Variants in EPM2A observed in about 807,000 individuals in gnomAD.
EPM2A encodes laforin.
In EPM2A, 21 loss-of-function variants were observed where a neutral mutation model predicts 26.5. The ratio of observed to expected loss-of-function variants is 0.79; its 90% confidence interval spans 0.56 to 1.14. The LOEUF is 1.14. Among genes scored for constraint, EPM2A ranks in the 50% most tolerant of loss-of-function variants. EPM2A has a pLI of 0.00. For synonymous variants in EPM2A, 217 were observed against 177.6 expected, an observed-to-expected ratio of 1.22 and a Z score of -1.76; for missense variants, 458 against 440.8, an observed-to-expected ratio of 1.04 and a Z score of -0.35.
chr6:145,424,588 G>A (rs1402898081), intron 4 of EPM2A, among the ~76,000 whole-genome samples: 2 of 152,056 alleles, frequency 1.3e-5, no homozygotes, highest in African/African-American at 4.8e-5. Flanking sequence ...AGATTGCTAT[G>A]GTCTCAATGT....
At chr6:145,385,491 T>C (rs1486709025) in intron 4 of EPM2A, among the ~76,000 whole-genome samples, 1 of 152,186 alleles carries the variant, frequency 6.6e-6, no homozygotes, top group Non-Finnish European at 1.5e-5. Flanking sequence ...AGTTTTTGTT[T>C]CATAGATTCA....
intron 4 of EPM2A, among the ~76,000 whole-genome samples, chr6:145,390,603 C>T (rs564052032): frequency 1.2e-3 from 167 of 143,278 alleles, no homozygotes; most frequent in Non-Finnish European, 1.9e-3. Context: ...CTCTCGCTCC[C>T]GCTCATACTT....
At chr6:145,456,611 C>T (rs1353605048) in intron 4 of EPM2A, among the ~76,000 whole-genome samples, 1 of 151,966 alleles carries the variant, frequency 6.6e-6, no homozygotes, top group South Asian at 2.1e-4. Context: ...TGAATATGGA[C>T]AATTTCTACA....
intron 2 of EPM2A, among the ~76,000 whole-genome samples, chr6:145,563,048 G>T (rs1465717258): frequency 6.6e-6 from 1 of 151,812 alleles, no homozygotes; most frequent in Non-Finnish European, 1.5e-5. Flanking sequence ...TTTCAGTGGA[G>T]AGCAAGGCAG....
intron 4 of EPM2A, among the ~76,000 whole-genome samples, chr6:145,489,235 T>C (rs770943410): frequency 5.3e-5 from 8 of 152,166 alleles, no homozygotes; most frequent in Non-Finnish European, 1.2e-4. Context: ...TTTTCTAACA[T>C]GTATTAGAAT....
At chr6:145,472,316 G>A (rs778504004) in intron 4 of EPM2A, among the ~76,000 whole-genome samples, 3 of 151,838 alleles carry the variant, frequency 2.0e-5, no homozygotes, top group Non-Finnish European at 2.9e-5. Context: ...CTGGCTTCAG[G>A]TGAGACTCAG....
At chr6:145,672,843 G>GA (rs1012860947) in intron 2 of EPM2A, among the ~76,000 whole-genome samples, 9 of 151,728 alleles carry the variant, frequency 5.9e-5, no homozygotes, top group Non-Finnish European at 1.2e-4. Context: ...CCTTGTCTAG[G>GA]AAAAAAAAGT....
intron 2 of EPM2A, among the ~76,000 whole-genome samples, chr6:145,668,187 T>C (rs1157674669): frequency 2.6e-5 from 4 of 151,666 alleles, no homozygotes; most frequent in Non-Finnish European, 5.9e-5. Context: ...TTAATAATAA[T>C]TGCCTCAGTA....
intron 2 of EPM2A, among the ~76,000 whole-genome samples, chr6:145,673,636 C>T (rs1172986034): frequency 2.0e-5 from 3 of 152,214 alleles, no homozygotes; most frequent in African/African-American, 7.2e-5. Flanking sequence ...CCGTGCCTAG[C>T]TCGGCGGGTC....
At chr6:145,532,592 A>C (rs553617698) in intron 2 of EPM2A, among the ~76,000 whole-genome samples, 1 of 152,296 alleles carries the variant, frequency 6.6e-6, no homozygotes, top group African/African-American at 2.4e-5. Flanking sequence ...AGGGCCAGTG[A>C]GTCAGGGCCG....
At chr6:145,544,903 A>G (rs926335165) in intron 2 of EPM2A, among the ~76,000 whole-genome samples, 4 of 152,218 alleles carry the variant, frequency 2.6e-5, no homozygotes. Flanking sequence ...ATCACAGACA[A>G]AATGACATGT....
At chr6:145,477,070 C>G (rs1779552117) in intron 4 of EPM2A, among the ~76,000 whole-genome samples, 1 of 151,520 alleles carries the variant, frequency 6.6e-6, no homozygotes, top group Admixed American at 6.6e-5. Flanking sequence ...AAAAAAGAGA[C>G]AAGGTCCAAG....
chr6:145,691,627 T>C (rs755318325), intron 1 of EPM2A, among the ~76,000 whole-genome samples: 1 of 152,062 alleles, frequency 6.6e-6, no homozygotes, highest in African/African-American at 2.4e-5. Flanking sequence ...GGCAATTATA[T>C]TGCAAATGAG....
intron 4 of EPM2A, among the ~76,000 whole-genome samples, chr6:145,416,737 G>C (rs1371302409): frequency 6.6e-6 from 1 of 152,048 alleles, no homozygotes; most frequent in Non-Finnish European, 1.5e-5. Flanking sequence ...TAAGTTTAGA[G>C]CATTACACAA....
At chr6:145,411,970 A>C (rs140541663) in intron 4 of EPM2A, among the ~76,000 whole-genome samples, 115 of 152,294 alleles carry the variant, frequency 7.6e-4, no homozygotes, top group African/African-American at 2.5e-3. Context: ...CTGTAATCCC[A>C]GCAATTTGGG....
At chr6:145,608,795 G>A (rs891058206) in intron 2 of EPM2A, among the ~76,000 whole-genome samples, 6 of 152,162 alleles carry the variant, frequency 3.9e-5, no homozygotes, top group African/African-American at 1.4e-4. Flanking sequence ...GCATCTAAGA[G>A]CCAGCTCCCA....
At chr6:145,650,427 G>A (rs978831253) in intron 2 of EPM2A, among the ~76,000 whole-genome samples, 14 of 151,716 alleles carry the variant, frequency 9.2e-5, no homozygotes, top group African/African-American at 2.2e-4. Flanking sequence ...TGGCACATGC[G>A]GGTAATCCCA....
intron 1 of EPM2A, among the ~76,000 whole-genome samples, chr6:145,728,282 CTGGGTGT>C (rs1583138873): frequency 6.6e-6 from 1 of 152,084 alleles, no homozygotes; most frequent in East Asian, 1.9e-4. Flanking sequence ...AGCTTTAGAA[CTGGGTGT>C]TGGGCAGAGG....
intron 2 of EPM2A, among the ~76,000 whole-genome samples, chr6:145,573,675 G>T (rs1484436596): frequency 6.6e-6 from 1 of 152,082 alleles, no homozygotes; most frequent in Non-Finnish European, 1.5e-5. Context: ...TTTCCATTTG[G>T]CCTTTCCCAC....
Sources: gnomAD v4.1 joint callset for allele counts (sites outside exome capture counted in the v4.1 genomes callset) on GRCh38, gnomAD v4.1.1 for gene constraint, MANE v1.5 for transcripts, NCBI Gene and HGNC (gene_info 2026-07-23, HGNC 2026-07-21) for gene names.